Variants in AFF3 observed in about 807,000 individuals in gnomAD.
The protein encoded by AFF3 is AF4/FMR2 family member 3.
AFF3 carries 32 observed loss-of-function variants against 129.7 expected under a neutral mutation model. The observed-to-expected ratio is 0.25, with a 90% confidence interval of 0.19 to 0.33. The LOEUF (loss-of-function observed/expected upper bound fraction) is 0.33. Ranked by LOEUF, AFF3 falls within the 10% of genes least tolerant of loss-of-function variation. The pLI is 1.00. For synonymous variants in AFF3, 644 were observed against 635.4 expected (o/e 1.01, Z -0.20); for missense variants, 1,373 against 1,592.0 (o/e 0.86, Z 2.34).
At chr2:99,971,946 T>C (rs1678425485) in intron 7 of AFF3, among the ~76,000 whole-genome samples, 1 of 152,210 alleles carries the variant, frequency 6.6e-6, no homozygotes, top group African/African-American at 2.4e-5. Flanking sequence ...AAAAGCTTGA[T>C]GTGTCTGTTT....
intron 10 of AFF3, among the ~76,000 whole-genome samples, chr2:99,734,401 G>T (rs1029003290): frequency 7.9e-5 from 12 of 151,820 alleles, no homozygotes; most frequent in African/African-American, 2.9e-4. Context: ...GACCAAGGAT[G>T]TCCATCCAGT....
chr2:99,557,382 C>G (rs1191943495), intron 22 of AFF3, among the ~76,000 whole-genome samples: 1 of 150,972 alleles, frequency 6.6e-6, no homozygotes, highest in East Asian at 2.0e-4. Context: ...CGGGTTCAAA[C>G]GATTCTCGTG....
intron 9 of AFF3, among the ~76,000 whole-genome samples, chr2:99,749,718 C>G (rs1681470429): frequency 6.6e-6 from 1 of 152,236 alleles, no homozygotes. Flanking sequence ...TGAGATGCCA[C>G]ATTTCATTCA....
At chr2:100,075,920 A>C (rs760301221) in intron 4 of AFF3, among the ~76,000 whole-genome samples, 6 of 152,150 alleles carry the variant, frequency 3.9e-5, no homozygotes, top group Non-Finnish European at 8.8e-5. Flanking sequence ...CTGGCTACTT[A>C]AGACACAGCC....
intron 8 of AFF3, among the ~76,000 whole-genome samples, chr2:99,781,228 T>G (rs1240226843): frequency 6.6e-6 from 1 of 152,192 alleles, no homozygotes; most frequent in African/African-American, 2.4e-5. Context: ...ACTTGATAGA[T>G]CTCTGCTCAA....
chr2:99,915,975 TAA>T (rs1419244135), intron 7 of AFF3, among the ~76,000 whole-genome samples: 1 of 152,204 alleles, frequency 6.6e-6, no homozygotes, highest in Non-Finnish European at 1.5e-5. Flanking sequence ...TTCAAAAATG[TAA>T]AGTTTCTGAA....
chr2:99,951,413 A>G (rs1445288091), intron 7 of AFF3, among the ~76,000 whole-genome samples: 1 of 152,122 alleles, frequency 6.6e-6, no homozygotes, highest in Non-Finnish European at 1.5e-5. Flanking sequence ...GGTCTCCAAC[A>G]TCACTTTCAC....
At position 99,561,187 on chromosome 2, in the gene AFF3, T is replaced by C. The variant is rs565461178; in HGVS notation, c.3120-751A>G. 2.6e-5 allele frequency among the ~76,000 whole-genome samples: 4 copies of C among 152,372 alleles called. No individual in the cohort carries two copies. In the East Asian group the frequency reaches 7.7e-4, roughly 29 times the overall value. ...ATGTATTAACATCTTTAAGCCTCCATTTCCTTATCTATAAAATAAGACTAA... is the reference window on the plus strand; with the variant it reads ...ATGTATTAACATCTTTAAGCCTCCACTTCCTTATCTATAAAATAAGACTAA... On this transcript the variant is annotated intron_variant, in intron 20 of 24. Coordinates refer to ENST00000672756, the MANE Select transcript of AFF3 (RefSeq NM_001386135.1).
intron 7 of AFF3, among the ~76,000 whole-genome samples, chr2:99,892,241 C>T (rs1391343561): frequency 1.3e-5 from 2 of 152,106 alleles, no homozygotes; most frequent in East Asian, 1.9e-4. Context: ...TTTAATTAAA[C>T]GTCTAAAAAC....
At chr2:100,071,061 C>A (rs1688145479) in intron 4 of AFF3, among the ~76,000 whole-genome samples, 1 of 152,040 alleles carries the variant, frequency 6.6e-6, no homozygotes, top group Non-Finnish European at 1.5e-5. Context: ...AATACTTATC[C>A]AGCACAGTGT....
chr2:100,139,220 T>C (rs1363041498), intron 1 of AFF3, among the ~76,000 whole-genome samples: 3 of 152,172 alleles, frequency 2.0e-5, no homozygotes, highest in African/African-American at 7.2e-5. Flanking sequence ...CCTTTCTCTC[T>C]TCATTATCCA....
intron 12 of AFF3, among the ~76,000 whole-genome samples, chr2:99,663,502 T>C (rs186463463): frequency 3.3e-5 from 5 of 152,346 alleles, no homozygotes; most frequent in Admixed American, 2.0e-4. Context: ...GTTAATGATC[T>C]AGATATCTAT....
In AFF3 at chr2:99,919,430, T is replaced by C. The variant is rs552260777; in HGVS notation, c.874-81906A>G. On this transcript the variant is annotated intron_variant, in intron 7 of 24. Coordinates refer to ENST00000672756, the MANE Select transcript of AFF3 (RefSeq NM_001386135.1). ...GTCGAATACGGGATGGCTCCTTCTA[T>C]GAACTAACCCAATCCTCCAGGCAGC... Among the ~76,000 whole-genome samples the C allele has an allele frequency of 2.0e-5, 3 of 152,250 alleles. No individual in the cohort carries two copies. The South Asian group carries it at 6.2e-4, about 32-fold the overall frequency.
At chr2:99,651,556 C>T (rs1685257984) in intron 12 of AFF3, among the ~76,000 whole-genome samples, 1 of 152,076 alleles carries the variant, frequency 6.6e-6, no homozygotes, top group South Asian at 2.1e-4. Context: ...ATTCTCCTGC[C>T]TCAGCCTCCC....
intron 2 of AFF3, among the ~76,000 whole-genome samples, chr2:100,113,008 G>A (rs1174505604): frequency 6.6e-6 from 1 of 152,174 alleles, no homozygotes; most frequent in Non-Finnish European, 1.5e-5. Context: ...AACATAAAGG[G>A]AAATTCATCC....
At chr2:99,576,413 G>A (rs1245656165) in intron 18 of AFF3, among the ~76,000 whole-genome samples, 2 of 151,698 alleles carry the variant, frequency 1.3e-5, no homozygotes, top group East Asian at 3.9e-4. Context: ...CTACTCAGGA[G>A]GCTGAGGCAA....
chr2:99,586,874 G>A (rs1678170764), intron 16 of AFF3, among the ~76,000 whole-genome samples: 1 of 152,138 alleles, frequency 6.6e-6, no homozygotes, highest in Admixed American at 6.5e-5. Flanking sequence ...CAGTTATTAA[G>A]TTTTTTTGGG....
At chr2:100,123,598 G>A (rs777661793) in intron 2 of AFF3, among the ~76,000 whole-genome samples, 1 of 152,086 alleles carries the variant, frequency 6.6e-6, no homozygotes, top group Admixed American at 6.5e-5. Context: ...TTTGTAAAAC[G>A]GCATCGATAG....
chr2:99,626,460 CCTT>C (rs1371715622), intron 13 of AFF3, among the ~76,000 whole-genome samples: 1 of 58,298 alleles, frequency 1.7e-5, no homozygotes, highest in African/African-American at 4.7e-5. Context: ...CCCCTTCCTT[CCTT>C]CCTCCCTCCC....
Sources: allele counts gnomAD v4.1 joint callset (sites outside exome capture counted in the v4.1 genomes callset), GRCh38; gene constraint gnomAD v4.1.1; transcripts MANE v1.5; gene names NCBI Gene and HGNC (gene_info 2026-07-23, HGNC 2026-07-21).